KIRREL3: variants seen among roughly 807,000 people sequenced by gnomAD.
KIRREL3 encodes the protein kin of IRRE-like protein 3.
In KIRREL3, 36 loss-of-function variants were observed where a neutral mutation model predicts 89.7. The ratio of observed to expected loss-of-function variants is 0.40; its 90% CI spans 0.31 to 0.53. The LOEUF (loss-of-function observed/expected upper bound fraction) is 0.53. Among genes scored for constraint, KIRREL3 ranks in the 20% least tolerant of loss-of-function variants. KIRREL3 has a pLI of 0.49. For missense variants in KIRREL3, 864 were observed against 1,056.6 expected (o/e 0.82, Z 2.53); for synonymous variants, 445 against 441.4 (o/e 1.01, Z -0.10).
chr11:126,968,739 C>G (rs1231154240), intron 1 of KIRREL3, among the ~76,000 whole-genome samples: 2 of 152,178 alleles, frequency 1.3e-5, no homozygotes, highest in African/African-American at 4.8e-5. Context: ...CTTTTGGTCA[C>G]TCAATCCCAG....
rs114639897 is a variant in KIRREL3, at chr11:126,426,920, C to T, written c.1807-1196G>A. ...ATCAGATTCAACTTCTAAGTCTGCCCCTTCTTGCAGATGGGGCTGTCTTGG... is the reference window on the plus strand; with the variant it reads ...ATCAGATTCAACTTCTAAGTCTGCCTCTTCTTGCAGATGGGGCTGTCTTGG... On this transcript the variant is annotated intron_variant, in intron 15 of 16. Transcript: ENST00000525144. 5.4e-3 allele frequency among the ~76,000 whole-genome samples: 824 copies of T among 152,306 alleles called. 10 individuals are homozygous for T. Among genetic ancestry groups the T allele is most frequent in the African/African-American group, 0.019 (774 of 41,560 alleles).
rs1290734953 is a variant in KIRREL3 at position 126,965,818 on chromosome 11, AGC to A, written c.55+34635_55+34636del. 2.0e-5 allele frequency among the ~76,000 whole-genome samples: 3 copies of A among 152,342 alleles called. No homozygotes were observed. The highest frequency in any genetic ancestry group is 2.1e-4 in the South Asian group (1 of 4,826). Reference sequence around the variant, plus strand: ...GTGCTTCCAGAGTGCCAGCGATGATAGCCAGACAGGTGACAGAACTCGATGTG... The same window carrying A: ...GTGCTTCCAGAGTGCCAGCGATGATACAGACAGGTGACAGAACTCGATGTG... On this transcript the variant is annotated intron_variant, in intron 1 of 16. Coordinates refer to ENST00000525144, the MANE Select transcript of KIRREL3 (RefSeq NM_032531.4). This position sits in a 1 kb window ranked among gnomAD's most constrained non-coding sequence, Gnocchi z 4.4.
rs115717402 is a variant in KIRREL3, at chr11:126,551,187, A to G, written c.133+11648T>C. On this transcript the variant is annotated intron_variant, in intron 2 of 16. Transcript: ENST00000525144. This position sits in a 1 kb window ranked among gnomAD's most constrained non-coding sequence, Gnocchi z 4.9. ...TGCGCCACCCTCCAGGAAGCTTTAC[A>G]TGCTCAGCTGCCCAGAAGCTCCCGA... 4.8e-3 allele frequency among the ~76,000 whole-genome samples: 724 copies of G among 152,266 alleles called. 6 individuals are homozygous for G. The highest frequency in any genetic ancestry group is 0.015 in the African/African-American group (618 of 41,538).
intron 1 of KIRREL3, among the ~76,000 whole-genome samples, chr11:126,831,945 C>T (rs552090389): frequency 6.6e-6 from 1 of 152,196 alleles, no homozygotes; most frequent in East Asian, 1.9e-4. Flanking sequence ...CTGGTTGACA[C>T]ACAGATATTA....
In KIRREL3 at chr11:126,686,471, T is replaced by C. The variant is rs1168405685; in HGVS notation, c.56-123559A>G. Among the ~76,000 whole-genome samples, 2 of 149,690 alleles carry C rather than the reference T, an allele frequency of 1.3e-5. No individual in the cohort carries two copies. The highest frequency in any genetic ancestry group is 3.0e-5 in the Non-Finnish European group (2 of 67,440). On this transcript the variant is annotated intron_variant, in intron 1 of 16. Transcript: ENST00000525144. The surrounding 1 kb of genome is among the most constrained non-coding windows in gnomAD (Gnocchi z 4.7). ...ATGGAAGATACACAAAGGAAGGGAG[T>C]CCCAAGCTGAATGTTCTGATAGGGT...
At chr11:126,456,492 G>A (rs757004703) in intron 6 of KIRREL3, 38 bp from the exon 7 acceptor site, 1 of 1,357,656 alleles carries the variant, frequency 7.4e-7, no homozygotes, top group Non-Finnish European at 1.0e-6. Context: ...ACCGGAGAAA[G>A]AATGGGGGCA....
rs1347016992 is a variant in KIRREL3 at position 126,612,279 on chromosome 11, T to G, written c.56-49367A>C. Among the ~76,000 whole-genome samples the G allele has an allele frequency of 6.6e-6, 1 of 152,142 alleles. No individual in the cohort carries two copies. The highest frequency in any genetic ancestry group is 2.4e-5 in the African/African-American group (1 of 41,434). On this transcript the variant is annotated intron_variant, in intron 1 of 16. Coordinates refer to ENST00000525144, the MANE Select transcript of KIRREL3 (RefSeq NM_032531.4). This position sits in a 1 kb window ranked among gnomAD's most constrained non-coding sequence, Gnocchi z 4.5. The stretch of plus-strand genomic sequence containing the variant: ...AATTTGAGTATTATATGGACACCCT[T>G]GGCATATAATAAATGCTCCCTCAGA...
In KIRREL3 at chr11:126,527,961, A is replaced by C. The variant is rs979868597; in HGVS notation, c.134-1274T>G. ...TCGCTGAGCATCTGGCCCACAGTAC[A>C]ACCAGTACTTCATACAACCCCTCCT... On this transcript the variant is annotated intron_variant, in intron 2 of 16. Transcript: ENST00000525144. This position sits in a 1 kb window ranked among gnomAD's most constrained non-coding sequence, Gnocchi z 4.2. Among the ~76,000 whole-genome samples, 2 of 152,210 alleles carry C rather than the reference A, an allele frequency of 1.3e-5. No homozygotes were observed. Among genetic ancestry groups the C allele is most frequent in the Non-Finnish European group, 2.9e-5 (2 of 68,050 alleles).
chr11:126,672,522 A>C (rs1206341580), intron 1 of KIRREL3, among the ~76,000 whole-genome samples: 3 of 152,238 alleles, frequency 2.0e-5, no homozygotes, highest in Non-Finnish European at 2.9e-5. Flanking sequence ...GAAAAGGCAA[A>C]ACTATAGAAA....
At chr11:126,784,820 G>T (rs1950435936) in intron 1 of KIRREL3, among the ~76,000 whole-genome samples, 1 of 152,224 alleles carries the variant, frequency 6.6e-6, no homozygotes, top group Non-Finnish European at 1.5e-5. Flanking sequence ...TCCTGCATCT[G>T]AACATAGTAC....
In KIRREL3 at chr11:126,715,071, C is replaced by T. The variant is rs960795077; in HGVS notation, c.56-152159G>A. Among the ~76,000 whole-genome samples the T allele has an allele frequency of 1.3e-5, 2 of 152,214 alleles. No individual in the cohort carries two copies. Among genetic ancestry groups the T allele is most frequent in the Non-Finnish European group, 2.9e-5 (2 of 68,038 alleles). ...TGGCTGCATGGCTGGGGACTCCATC[C>T]TCCTAATGATCAGGTTCTTGTGCAA... On this transcript the variant is annotated intron_variant, in intron 1 of 16. Coordinates refer to ENST00000525144, the MANE Select transcript of KIRREL3 (RefSeq NM_032531.4). This position sits in a 1 kb window ranked among gnomAD's most constrained non-coding sequence, Gnocchi z 4.4.
At chr11:126,690,299 C>T (rs1047441987) in intron 1 of KIRREL3, among the ~76,000 whole-genome samples, 1 of 151,958 alleles carries the variant, frequency 6.6e-6, no homozygotes, top group African/African-American at 2.4e-5. Context: ...TCTTTGAAGC[C>T]TAAATACTTA....
rs1466713269 is a variant in KIRREL3 at position 126,802,065 on chromosome 11, T to G, written c.55+198390A>C. ...TTGCTATTCCATAGGCAAATGATGCTGCCAAACAGTCATTTGTGGCTGTGA... is the reference window on the plus strand; with the variant it reads ...TTGCTATTCCATAGGCAAATGATGCGGCCAAACAGTCATTTGTGGCTGTGA... On this transcript the variant is annotated intron_variant, in intron 1 of 16. Transcript: ENST00000525144. The surrounding 1 kb of genome is among the most constrained non-coding windows in gnomAD (Gnocchi z 5.2). Among the ~76,000 whole-genome samples the G allele has an allele frequency of 6.6e-6, 1 of 152,204 alleles. No homozygotes were observed. The highest frequency in any genetic ancestry group is 2.4e-5 in the African/African-American group (1 of 41,466).
chr11:126,842,464 A>G (rs1182735199), intron 1 of KIRREL3, among the ~76,000 whole-genome samples: 1 of 152,140 alleles, frequency 6.6e-6, no homozygotes, highest in Non-Finnish European at 1.5e-5. Context: ...CCTTCTCACC[A>G]TAAGCATATA....
chr11:126,567,996 G>T (rs1940643679), intron 1 of KIRREL3, among the ~76,000 whole-genome samples: 1 of 152,120 alleles, frequency 6.6e-6, no homozygotes, highest in African/African-American at 2.4e-5. Flanking sequence ...GTTCAGGTGT[G>T]CTTGCTGAAG....
chr11:126,975,927 C>T (rs1236934300), intron 1 of KIRREL3, among the ~76,000 whole-genome samples: 1 of 110,952 alleles, frequency 9.0e-6, no homozygotes, highest in East Asian at 3.3e-4. Context: ...TTCCTCCCTC[C>T]CTCCCTCCCT....
intron 4 of KIRREL3, among the ~76,000 whole-genome samples, chr11:126,512,485 T>G (rs185593554): frequency 6.6e-6 from 1 of 152,106 alleles, no homozygotes. Flanking sequence ...TGCAGGCTTG[T>G]GGGGATGCTG....
intron 4 of KIRREL3, among the ~76,000 whole-genome samples, chr11:126,493,003 CAG>C (rs1269223903): frequency 6.6e-6 from 1 of 152,230 alleles, no homozygotes; most frequent in Non-Finnish European, 1.5e-5. Flanking sequence ...GGCTAACTGA[CAG>C]GGGGCAGGAA....
At position 126,430,459 on chromosome 11, in the gene KIRREL3, A is replaced by G. The variant is rs920421898; in HGVS notation, c.1696+960T>C. 1.3e-5 allele frequency among the ~76,000 whole-genome samples: 2 copies of G among 152,114 alleles called. No homozygotes were observed. The highest frequency in any genetic ancestry group is 4.8e-5 in the African/African-American group (2 of 41,430). On this transcript the variant is annotated intron_variant, in intron 14 of 16. Coordinates refer to ENST00000525144, the MANE Select transcript of KIRREL3 (RefSeq NM_032531.4). This position sits in a 1 kb window ranked among gnomAD's most constrained non-coding sequence, Gnocchi z 6.6. ...GACCCTATATAAAAAAAAACCGTAT[A>G]TATATGTGTATATATGCGTATGTGT...
Sources: gnomAD v4.1 joint callset for allele counts (sites outside exome capture counted in the v4.1 genomes callset) on GRCh38, gnomAD v4.1.1 for gene constraint, Gnocchi (gnomAD v3.1) non-coding constraint, MANE v1.5 for transcripts, NCBI Gene and HGNC (gene_info 2026-07-23, HGNC 2026-07-21) for gene names.